The following SLC8A1 variants were observed in gnomAD, a reference collection of about 807,000 sequenced individuals.
SLC8A1 encodes the protein sodium/calcium exchanger 1.
In SLC8A1, 18 loss-of-function variants were observed where a neutral mutation model predicts 68.3. That is an observed-to-expected ratio of 0.26 (90% CI 0.18 to 0.39). SLC8A1 has a LOEUF of 0.39. SLC8A1 is among the 10% of genes least tolerant of loss of function. SLC8A1 has a pLI of 1.00. For synonymous variants in SLC8A1, 475 were observed against 415.5 expected, an observed-to-expected ratio of 1.14 and a Z score of -1.74; for missense variants, 985 against 1,156.7, an observed-to-expected ratio of 0.85 and a Z score of 2.15.
rs2060378353 is a variant in SLC8A1, at chr2:40,236,419, C to A, written c.1809-58564G>T. On this transcript the variant is annotated intron_variant, in intron 2 of 7. Coordinates refer to ENST00000406785, the Ensembl canonical transcript of SLC8A1. ...TCTGTTTTATCAGAGACTAGGATTG[C>A]AAACCCTGCCTTTTTTTGTTTTCCA... is the stretch of plus-strand genomic sequence containing the variant. 2.0e-5 allele frequency among the ~76,000 whole-genome samples: 3 copies of A among 152,192 alleles called. 1 individual carries two copies. The highest frequency in any genetic ancestry group is 2.0e-4 in the Admixed American group (3 of 15,270).
At chr2:40,363,948 G>A (rs1214613000) in intron 2 of SLC8A1, among the ~76,000 whole-genome samples, 8 of 151,576 alleles carry the variant, frequency 5.3e-5, no homozygotes, top group East Asian at 1.9e-4. Flanking sequence ...CTCTGACTTC[G>A]GGGAGAAAAA....
At chr2:40,471,163 T>C (rs562876784) in intron 1 of SLC8A1, among the ~76,000 whole-genome samples, 1 of 152,274 alleles carries the variant, frequency 6.6e-6, no homozygotes, top group East Asian at 1.9e-4. Context: ...TATGAAGCAA[T>C]TTAATCTTTA....
At chr2:40,211,831 T>G (rs2056631845) in intron 2 of SLC8A1, among the ~76,000 whole-genome samples, 1 of 152,144 alleles carries the variant, frequency 6.6e-6, no homozygotes, top group Non-Finnish European at 1.5e-5. Context: ...CCGGATCACT[T>G]TAGAAATAAA....
Position 40,451,425 on chromosome 2 carries a change from G to A in SLC8A1, c.-25+479C>T, listed in dbSNP as rs139674149. Among the ~76,000 whole-genome samples the A allele has an allele frequency of 3.3e-3, 508 of 152,300 alleles. 2 individuals carry two copies. The highest frequency in any genetic ancestry group is 5.6e-3 in the Non-Finnish European group (382 of 68,032). ...CGCCCGCTGGAAAACAGGGGGCTCG[G>A]AAATGTGGCCTTGGGGAAAGACCCC... On this transcript the variant is annotated intron_variant, in intron 1 of 7. Transcript: ENST00000406785.
intron 1 of SLC8A1, among the ~76,000 whole-genome samples, chr2:40,492,643 T>G (rs58398246): frequency 0.041 from 6,067 of 148,126 alleles, 423 homozygotes; most frequent in East Asian, 0.35. Context: ...CAAACAAATT[T>G]ACAAGAAAAA....
chr2:40,288,829 GT>G (rs2068757230), intron 2 of SLC8A1, among the ~76,000 whole-genome samples: 1 of 132,614 alleles, frequency 7.5e-6, no homozygotes, highest in South Asian at 2.1e-4. Flanking sequence ...TCTCTACTAA[GT>G]AATCATATAT....
At chr2:40,396,746 A>G (rs1475756550) in intron 2 of SLC8A1, among the ~76,000 whole-genome samples, 1 of 120,096 alleles carries the variant, frequency 8.3e-6, no homozygotes, top group Non-Finnish European at 1.8e-5. Flanking sequence ...ATCTCTAATA[A>G]CTAAAAAAAA....
chr2:40,302,711 G>A (rs938882143), intron 2 of SLC8A1, among the ~76,000 whole-genome samples: 1 of 152,044 alleles, frequency 6.6e-6, no homozygotes, highest in African/African-American at 2.4e-5. Context: ...GCATGTGCAA[G>A]TATCTTTTTT....
chr2:40,486,488 G>A (rs1387210259), intron 1 of SLC8A1, among the ~76,000 whole-genome samples: 1 of 152,046 alleles, frequency 6.6e-6, no homozygotes, highest in African/African-American at 2.4e-5. Flanking sequence ...CTGCCATTAG[G>A]CAATAAGATA....
intron 2 of SLC8A1, among the ~76,000 whole-genome samples, chr2:40,230,606 T>C (rs902508181): frequency 6.6e-6 from 1 of 152,176 alleles, no homozygotes; most frequent in Non-Finnish European, 1.5e-5. Context: ...AGAATAAAAA[T>C]GCTACTATGT....
chr2:40,492,273 G>A (rs138992742), intron 1 of SLC8A1, among the ~76,000 whole-genome samples: 3,631 of 152,152 alleles, frequency 0.024, 136 homozygotes, highest in Admixed American at 0.098. Context: ...AATCGTGCTG[G>A]GAAAACTGGC....
chr2:40,288,427 A>G (rs547127555), intron 2 of SLC8A1, among the ~76,000 whole-genome samples: 9 of 152,214 alleles, frequency 5.9e-5, no homozygotes, highest in South Asian at 2.1e-4. Context: ...CTTCAGTGCA[A>G]CCTCATCAGT....
At chr2:40,343,096 A>G (rs967961084) in intron 2 of SLC8A1, among the ~76,000 whole-genome samples, 8 of 152,118 alleles carry the variant, frequency 5.3e-5, no homozygotes, top group Non-Finnish European at 8.8e-5. Context: ...GTGATATTCT[A>G]TTAAAAAAAG....
At chr2:40,263,828 C>G (rs974998806) in intron 2 of SLC8A1, among the ~76,000 whole-genome samples, 2 of 152,108 alleles carry the variant, frequency 1.3e-5, no homozygotes, top group Admixed American at 6.6e-5. Context: ...GCAATGATAA[C>G]AAAAGCCAAA....
At chr2:40,147,911 T>A (rs2042745716) in intron 6 of SLC8A1, among the ~76,000 whole-genome samples, 1 of 152,192 alleles carries the variant, frequency 6.6e-6, no homozygotes, top group Non-Finnish European at 1.5e-5. Flanking sequence ...AGGAGCCTGC[T>A]GCAGTAGGTA....
intron 2 of SLC8A1, among the ~76,000 whole-genome samples, chr2:40,204,411 C>T (rs977562766): frequency 2.0e-5 from 3 of 151,996 alleles, no homozygotes; most frequent in Non-Finnish European, 4.4e-5. Flanking sequence ...TTGAGAGTAA[C>T]CACAATGACA....
chr2:40,503,776 C>T (rs1408304893), intron 1 of SLC8A1, among the ~76,000 whole-genome samples: 5 of 151,622 alleles, frequency 3.3e-5, no homozygotes, highest in Non-Finnish European at 7.4e-5. Context: ...ACAATGAAAA[C>T]GATAAAACAT....
intron 2 of SLC8A1, among the ~76,000 whole-genome samples, chr2:40,242,398 G>A (rs2061340199): frequency 2.6e-5 from 4 of 152,128 alleles, no homozygotes. Flanking sequence ...TGTGTAATTT[G>A]TAACCTCATT....
chr2:40,216,757 T>C (rs779074560), intron 2 of SLC8A1, among the ~76,000 whole-genome samples: 3 of 152,258 alleles, frequency 2.0e-5, no homozygotes, highest in Non-Finnish European at 2.9e-5. Flanking sequence ...TGACCAGTGA[T>C]GTTGGGCTTC....
Sources: gnomAD v4.1 joint callset for allele counts (sites outside exome capture counted in the v4.1 genomes callset) on GRCh38, gnomAD v4.1.1 for gene constraint, MANE v1.5 for transcripts, NCBI Gene and HGNC (gene_info 2026-07-23, HGNC 2026-07-21) for gene names.